NCALD: variants seen among roughly 807,000 people sequenced by gnomAD.
The protein encoded by NCALD is neurocalcin delta.
NCALD carries 10 observed loss-of-function variants against 18.6 expected under a neutral mutation model. The ratio of observed to expected loss-of-function variants is 0.54; its 90% confidence interval spans 0.33 to 0.91. The LOEUF is 0.91. Ranked by LOEUF, NCALD falls within the 40% of genes least tolerant of loss-of-function variation. NCALD has a pLI of 0.03. For synonymous variants in NCALD, 88 were observed against 87.4 expected, an observed-to-expected ratio of 1.01 and a Z score of -0.04; for missense variants, 184 against 247.6, an observed-to-expected ratio of 0.74 and a Z score of 1.72.
intron 1 of NCALD, among the ~76,000 whole-genome samples, chr8:102,071,026 C>T (rs1283531358): frequency 6.6e-6 from 1 of 152,094 alleles, no homozygotes; most frequent in Non-Finnish European, 1.5e-5. Context: ...CCAACAGAAG[C>T]TTGGGGAATT....
chr8:102,041,141 C>T (rs144805121), intron 1 of NCALD, among the ~76,000 whole-genome samples: 2,220 of 152,278 alleles, frequency 0.015, 23 homozygotes, highest in Middle Eastern at 0.037. Context: ...CTACTTATCT[C>T]CTTTCTTTTA....
intron 1 of NCALD, among the ~76,000 whole-genome samples, chr8:102,081,564 AAAAAAAAAAAAAC>A (rs552306626): frequency 0.024 from 2,705 of 113,758 alleles, 41 homozygotes; most frequent in African/African-American, 0.027. Context: ...AAAAAAAAAA[AAAAAAAAAAAAAC>A]CCCAAAAAAA....
rs78003798 is a variant in NCALD at position 101,805,051 on chromosome 8, T to G, written c.-20+82090A>C. ...GGCACTTTGAAAAGCTCCATGGACCTGTTCCCCAATGACTTAAGTATAACT... is the reference window on the plus strand; with the variant it reads ...GGCACTTTGAAAAGCTCCATGGACCGGTTCCCCAATGACTTAAGTATAACT... On this transcript the variant is annotated intron_variant, in intron 4 of 6. Coordinates refer to the NCALD transcript ENST00000311028. Among the ~76,000 whole-genome samples the G allele has an allele frequency of 1.8e-4, 28 of 152,310 alleles. No homozygotes were observed. The East Asian group carries it at 2.3e-3, about 13-fold the overall frequency.
chr8:101,745,176 C>T (rs1475477564), intron 1 of NCALD, among the ~76,000 whole-genome samples: 1 of 152,094 alleles, frequency 6.6e-6, no homozygotes, highest in African/African-American at 2.4e-5. Flanking sequence ...GCATGCTCCA[C>T]CATTGATTCA....
intron 1 of NCALD, among the ~76,000 whole-genome samples, chr8:102,022,593 G>A (rs1822312585): frequency 6.6e-6 from 1 of 152,108 alleles, no homozygotes; most frequent in African/African-American, 2.4e-5. Flanking sequence ...TTTCTTTTCA[G>A]AAACAGGTTC....
intron 4 of NCALD, among the ~76,000 whole-genome samples, chr8:101,800,501 G>C (rs1402221594): frequency 1.3e-5 from 2 of 151,640 alleles, no homozygotes; most frequent in Non-Finnish European, 2.9e-5. Flanking sequence ...GAAATGGTAA[G>C]ATTAAAGATG....
In NCALD at chr8:102,010,306, A is replaced by G. The variant is rs146938336; in HGVS notation, c.-157+9931T>C. ...TTTCTTTACCTACAACTGTCTTGGT[A>G]AATTCCTTTACTGCCCTTGCCACTG... On this transcript the variant is annotated intron_variant, in intron 2 of 6. Transcript: ENST00000311028. Among the ~76,000 whole-genome samples the G allele has an allele frequency of 2.7e-3, 412 of 152,336 alleles. 1 individual carries two copies. The highest frequency in any genetic ancestry group is 4.7e-3 in the Non-Finnish European group (317 of 68,032).
intron 4 of NCALD, among the ~76,000 whole-genome samples, chr8:101,804,817 T>C (rs2131105156): frequency 6.6e-6 from 1 of 151,436 alleles, no homozygotes; most frequent in South Asian, 2.1e-4. Flanking sequence ...CCAAAACATT[T>C]GTGTGACTCA....
At chr8:101,856,214 C>T (rs1815313868) in intron 4 of NCALD, among the ~76,000 whole-genome samples, 1 of 152,184 alleles carries the variant, frequency 6.6e-6, no homozygotes, top group Non-Finnish European at 1.5e-5. Flanking sequence ...CTCTGTCACC[C>T]AGGCTGGAGT....
chr8:102,067,238 G>A (rs113057985), intron 1 of NCALD, among the ~76,000 whole-genome samples: 3 of 152,248 alleles, frequency 2.0e-5, no homozygotes, highest in Admixed American at 6.5e-5. Flanking sequence ...CTTCTAGCAC[G>A]CTGGCCTCTG....
intron 2 of NCALD, among the ~76,000 whole-genome samples, chr8:101,696,341 G>A (rs2130046172): frequency 6.6e-6 from 1 of 152,344 alleles, no homozygotes; most frequent in South Asian, 2.1e-4. Context: ...AACCATTGTT[G>A]AGAAAAGTGC....
chr8:101,788,668 T>C (rs1385236338), intron 1 of NCALD: 7 of 152,158 alleles, frequency 4.6e-5, no homozygotes, highest in Non-Finnish European at 1.0e-4. Flanking sequence ...CTGAGAAAAG[T>C]ACATAGGCTT....
At chr8:101,964,734 G>C (rs550526830) in intron 2 of NCALD, among the ~76,000 whole-genome samples, 9 of 152,294 alleles carry the variant, frequency 5.9e-5, no homozygotes, top group African/African-American at 2.2e-4. Context: ...AACATGTACA[G>C]AAATCCAAAT....
chr8:101,783,969 C>T (rs937633321), intron 1 of NCALD, among the ~76,000 whole-genome samples: 3 of 152,182 alleles, frequency 2.0e-5, no homozygotes, highest in Non-Finnish European at 4.4e-5. Flanking sequence ...AGGCATTTCA[C>T]TCATTTCTAA....
intron 4 of NCALD, among the ~76,000 whole-genome samples, chr8:101,862,786 G>A (rs1815598210): frequency 6.6e-6 from 1 of 152,170 alleles, no homozygotes; most frequent in Admixed American, 6.5e-5. Flanking sequence ...TCCCTGGGAT[G>A]AGTGCTATGT....
chr8:102,049,574 A>T (rs1054802574), intron 1 of NCALD, among the ~76,000 whole-genome samples: 2 of 152,138 alleles, frequency 1.3e-5, no homozygotes, highest in African/African-American at 4.8e-5. Context: ...TAATCGCTAG[A>T]TTATATGGTT....
intron 4 of NCALD, among the ~76,000 whole-genome samples, chr8:101,864,878 G>A (rs984652335): frequency 1.6e-4 from 25 of 152,098 alleles, no homozygotes; most frequent in Non-Finnish European, 1.0e-4. Flanking sequence ...TTACAGGTGT[G>A]AGCCACCACG....
chr8:102,069,306 T>C (rs959637596), intron 1 of NCALD, among the ~76,000 whole-genome samples: 1 of 152,114 alleles, frequency 6.6e-6, no homozygotes, highest in African/African-American at 2.4e-5. Flanking sequence ...TAACATCACA[T>C]TATATCCCAT....
intron 3 of NCALD, among the ~76,000 whole-genome samples, chr8:101,907,773 G>A (rs1817658490): frequency 6.6e-6 from 1 of 152,172 alleles, no homozygotes; most frequent in Non-Finnish European, 1.5e-5. Flanking sequence ...CTTCCAAGGA[G>A]TCATCAACCC....
Sources: gnomAD v4.1 joint callset for allele counts (sites outside exome capture counted in the v4.1 genomes callset) on GRCh38, gnomAD v4.1.1 for gene constraint, MANE v1.5 for transcripts, NCBI Gene and HGNC (gene_info 2026-07-23, HGNC 2026-07-21) for gene names.